Variants in RNF150 observed in about 807,000 individuals in gnomAD.
The protein encoded by RNF150 is ring finger protein 150.
Under a neutral mutation model 39.3 loss-of-function variants are expected in RNF150, and 24 were observed. The ratio of observed to expected loss-of-function variants is 0.61; its 90% CI spans 0.44 to 0.86. The LOEUF (loss-of-function observed/expected upper bound fraction) is 0.86, where lower values mean the gene tolerates loss of function less well. Ranked by LOEUF, RNF150 falls within the 40% of genes least tolerant of loss-of-function variation. The pLI, the probability that RNF150 is intolerant of heterozygous loss-of-function variation, is 0.00. For missense variants in RNF150, 502 were observed against 587.8 expected (o/e 0.85, Z 1.51); for synonymous variants, 255 against 227.3 (o/e 1.12, Z -1.10).
At chr4:140,929,662 G>A (rs1054908200) in intron 4 of RNF150, among the ~76,000 whole-genome samples, 8 of 151,972 alleles carry the variant, frequency 5.3e-5, no homozygotes, top group African/African-American at 1.2e-4. Context: ...CACCGTGCCC[G>A]GCCTGGATGC....
upstream of RNF150, among the ~76,000 whole-genome samples, chr4:141,136,178 G>A (rs775288229): frequency 6.6e-6 from 1 of 152,026 alleles, no homozygotes; most frequent in Non-Finnish European, 1.5e-5. Context: ...ATAAACACTT[G>A]GCAAAAATTC....
chr4:141,202,625 G>A (rs1728308191), intron 1 of RNF150, among the ~76,000 whole-genome samples: 1 of 151,812 alleles, frequency 6.6e-6, no homozygotes, highest in Non-Finnish European at 1.5e-5. Context: ...AAGCCTTTTG[G>A]ACTTTTGTAT....
In RNF150 at chr4:141,027,912, GTTTTTTTTTTTTTGTTTT is replaced by G. The variant is rs1341352787; in HGVS notation, c.485-60057_485-60040del. ...TAGATAGTTAATGAGCTTGGAATTT[GTTTTTTTTTTTTTGTTTT>G]TTTTTTTTTTTTTTTTTTTTTTCAA... On this transcript the variant is annotated intron_variant, in intron 1 of 6. Transcript: ENST00000515673. Among the ~76,000 whole-genome samples the G allele has an allele frequency of 8.5e-4, 23 of 27,102 alleles. 1 individual carries two copies. Among genetic ancestry groups the G allele is most frequent in the East Asian group, 4.9e-3 (6 of 1,226 alleles). The allele number at this position is 27,102 out of a possible 152,430, so 17.8% of individuals were successfully genotyped here.
chr4:141,176,033 A>G (rs1180224178), intron 1 of RNF150, among the ~76,000 whole-genome samples: 3 of 151,596 alleles, frequency 2.0e-5, no homozygotes, highest in Non-Finnish European at 4.4e-5. Context: ...TACAAGCACA[A>G]GTGCTACCAT....
At chr4:141,007,539 C>T (rs73860245) in intron 1 of RNF150, among the ~76,000 whole-genome samples, 11,533 of 152,172 alleles carry the variant, frequency 0.076, 486 homozygotes, top group Middle Eastern at 0.16. Flanking sequence ...CCAGTAATCT[C>T]GGGCACTTGA....
At chr4:140,905,898 G>A (rs1174235274) in intron 6 of RNF150, among the ~76,000 whole-genome samples, 2 of 152,060 alleles carry the variant, frequency 1.3e-5, no homozygotes, top group East Asian at 3.8e-4. Flanking sequence ...GGGTTAATGT[G>A]GGTCCTACCC....
At position 140,976,944 on chromosome 4, in the gene RNF150, C is replaced by T. The variant is rs140319467; in HGVS notation, c.485-9071G>A. On this transcript the variant is annotated intron_variant, in intron 1 of 6. Transcript: ENST00000515673. ...TTTCCTCTATTTTGGACTCACTCCC[C>T]CTTTGTCCAAATGATGACCTCATAC... Among the ~76,000 whole-genome samples, 25 of 152,160 alleles carry T rather than the reference C, an allele frequency of 1.6e-4. No homozygotes were observed. The East Asian group carries it at 4.7e-3, about 28-fold the overall frequency.
chr4:141,196,969 T>A (rs902146470), intron 1 of RNF150, among the ~76,000 whole-genome samples: 1 of 152,192 alleles, frequency 6.6e-6, no homozygotes, highest in African/African-American at 2.4e-5. Context: ...GTTTTGCTCA[T>A]ATCCAGTTAA....
intron 1 of RNF150, among the ~76,000 whole-genome samples, chr4:141,210,973 A>G (rs1478887040): frequency 2.0e-5 from 3 of 151,906 alleles, no homozygotes; most frequent in Non-Finnish European, 2.9e-5. Context: ...CCCTTCCTCA[A>G]TTTTCTTGCC....
chr4:141,074,044 G>C (rs1737805499), intron 1 of RNF150, among the ~76,000 whole-genome samples: 1 of 152,036 alleles, frequency 6.6e-6, no homozygotes, highest in Non-Finnish European at 1.5e-5. Flanking sequence ...GTAGTTTGAA[G>C]GCAATGGAGG....
chr4:141,061,898 A>C (rs1254505556), intron 1 of RNF150, among the ~76,000 whole-genome samples: 1 of 152,212 alleles, frequency 6.6e-6, no homozygotes, highest in African/African-American at 2.4e-5. Flanking sequence ...ACTAAATTTC[A>C]AAATTGAAGG....
chr4:141,091,946 A>T (rs571621048), intron 1 of RNF150, among the ~76,000 whole-genome samples: 10 of 152,330 alleles, frequency 6.6e-5, no homozygotes, highest in Admixed American at 3.9e-4. Flanking sequence ...CAACAAACAC[A>T]TATACACAAT....
In RNF150 at chr4:140,862,449, A is replaced by G. The variant is rs760097118; in HGVS notation, c.*5812T>C. 1 of 152,028 alleles carries G rather than the reference A, an allele frequency of 6.6e-6. No individual in the cohort carries two copies. The highest frequency in any genetic ancestry group is 1.5e-5 in the Non-Finnish European group (1 of 68,038). 9.4% of individuals were successfully genotyped at this position (152,028 alleles called of 1,614,324 possible). ...GACCTTAGCAGGTTCTTGTAGAACA[A>G]GCAGGATTGCAATCAAATTGCTCGA... On this transcript the variant is annotated 3_prime_UTR_variant, in exon 7 of 7. Coordinates refer to ENST00000515673, the MANE Select transcript of RNF150 (RefSeq NM_020724.2).
At chr4:140,945,274 C>T (rs1732243377) in intron 4 of RNF150, among the ~76,000 whole-genome samples, 1 of 151,892 alleles carries the variant, frequency 6.6e-6, no homozygotes, top group African/African-American at 2.4e-5. Flanking sequence ...GTTTTATTTT[C>T]TGTGGTAAAC....
intron 1 of RNF150, among the ~76,000 whole-genome samples, chr4:141,055,031 A>G (rs892779789): frequency 6.6e-6 from 1 of 152,180 alleles, no homozygotes; most frequent in Non-Finnish European, 1.5e-5. Flanking sequence ...TTAAAGTGAA[A>G]CAACTTTGGC....
intron 1 of RNF150, among the ~76,000 whole-genome samples, chr4:141,183,332 A>G (rs1421928465): frequency 6.6e-6 from 1 of 152,036 alleles, no homozygotes. Context: ...AATTATCCCC[A>G]TGATTCCTGC....
Position 141,100,494 on chromosome 4 carries a change from G to A in RNF150, c.484+31831C>T, listed in dbSNP as rs143885320. 3.0e-3 allele frequency among the ~76,000 whole-genome samples: 450 copies of A among 152,306 alleles called. 1 individual carries two copies. The highest frequency in any genetic ancestry group is 1.0e-2 in the African/African-American group (415 of 41,564). On this transcript the variant is annotated intron_variant, in intron 1 of 6. Coordinates refer to ENST00000515673, the MANE Select transcript of RNF150 (RefSeq NM_020724.2). ...CTAAATAAGTAATGCTATCAAGGAC[G>A]TTCACACTTTCATTCTGTAGATTGA...
At position 140,935,012 on chromosome 4, in the gene RNF150, TA is replaced by T. The variant is rs1731787340; in HGVS notation, c.891-8940del. Among the ~76,000 whole-genome samples, 37 of 76,180 alleles carry T rather than the reference TA, an allele frequency of 4.9e-4. No individual in the cohort carries two copies. The Admixed American group carries it at 7.6e-3, about 16-fold the overall frequency. The allele number at this position is 76,180 out of a possible 152,430, so 50.0% of individuals were successfully genotyped here. A position where few individuals can be genotyped will look rare whatever the true frequency, so the allele number is the denominator to read the frequency against. On this transcript the variant is annotated intron_variant, in intron 4 of 6. Transcript: ENST00000515673. The stretch of plus-strand genomic sequence containing the variant: ...TATAATATATATATATATATAAATA[TA>T]TATATATTATATATTTATAATATAT...
At chr4:141,162,174 C>A (rs1340932060) in intron 1 of RNF150, among the ~76,000 whole-genome samples, 1 of 152,266 alleles carries the variant, frequency 6.6e-6, no homozygotes, top group African/African-American at 2.4e-5. Context: ...GCCACAGGGG[C>A]AGAACTGCCT....
Sources: gnomAD v4.1 joint callset for allele counts (sites outside exome capture counted in the v4.1 genomes callset) on GRCh38, gnomAD v4.1.1 for gene constraint, MANE v1.5 for transcripts, NCBI Gene and HGNC (gene_info 2026-07-23, HGNC 2026-07-21) for gene names.